The following ATG13 variants were observed in gnomAD, a reference collection of about 807,000 sequenced individuals.
ATG13 encodes autophagy-related protein 13.
In ATG13, 23 loss-of-function variants were observed where a neutral mutation model predicts 65.5. The ratio of observed to expected loss-of-function variants is 0.35; its 90% CI spans 0.25 to 0.50. ATG13 has a LOEUF of 0.50. ATG13 is among the 20% of genes least tolerant of loss of function. ATG13 has a pLI of 0.98. For missense variants in ATG13, 566 were observed against 677.0 expected, an observed-to-expected ratio of 0.84 and a Z score of 1.82; for synonymous variants, 252 against 245.2, an observed-to-expected ratio of 1.03 and a Z score of -0.26.
At position 46,667,794 on chromosome 11, in the gene ATG13, A is replaced by C. The variant is rs755123190; in HGVS notation, c.1158A>C (p.Ser386=). ...PSSSEDTETV[S]NSSEGRASPH... is the part of the protein sequence containing the mutation. Reference sequence around the variant, plus strand: ...CCAGTGAGGATACTGAAACCGTATCAAACAGCAGTGAGGGACGGGCCTCCC... The same window carrying C: ...CCAGTGAGGATACTGAAACCGTATCCAACAGCAGTGAGGGACGGGCCTCCC... The change falls in exon 15 of 19, where the codon TCA becomes TCC. Residue 386 remains serine (S), a synonymous_variant. Transcript: ENST00000683050. The C allele has an allele frequency of 3.7e-6, 6 of 1,610,196 alleles. No individual in the cohort carries two copies. Among genetic ancestry groups the C allele is most frequent in the Non-Finnish European group, 5.1e-6 (6 of 1,176,702 alleles).
At chr11:46,634,719 TGA>T (rs1252970887) in intron 2 of ATG13, among the ~76,000 whole-genome samples, 2 of 151,708 alleles carry the variant, frequency 1.3e-5, no homozygotes, top group African/African-American at 4.8e-5. Context: ...GTTTGTTTTT[TGA>T]GACGGAGTCT....
At chr11:46,642,845 T>G (rs2056493899) in intron 2 of ATG13, among the ~76,000 whole-genome samples, 1 of 152,178 alleles carries the variant, frequency 6.6e-6, no homozygotes, top group Admixed American at 6.6e-5. Context: ...GCACACTAGG[T>G]GCAGATCTGG....
At chr11:46,656,196 G>C (rs1447178577) in intron 7 of ATG13, 37 bp from the exon 8 acceptor site, 2 of 1,594,838 alleles carry the variant, frequency 1.3e-6, no homozygotes, top group Non-Finnish European at 1.7e-6. Flanking sequence ...TAGGAGTAAA[G>C]AATCAGGTAA....
chr11:46,648,148 T>C (rs976921959), intron 5 of ATG13, among the ~76,000 whole-genome samples: 5 of 148,398 alleles, frequency 3.4e-5, no homozygotes, highest in Non-Finnish European at 7.4e-5. Flanking sequence ...CAGGCTGGAG[T>C]GCAGTGGCAC....
rs1486399715 is a variant in ATG13, at chr11:46,674,460, C to T, written c.*2128C>T. ...CTCCAACCTACTTTGTTTGGAAATA[C>T]CGAGCTACACTTCAAAATGTATTCA... On this transcript the variant is annotated 3_prime_UTR_variant, in exon 19 of 19. Coordinates refer to ENST00000683050, the MANE Select transcript of ATG13 (RefSeq NM_001346311.2). 6.6e-6 allele frequency: 1 copy of T among 152,034 alleles called. No individual in the cohort carries two copies. Among genetic ancestry groups the T allele is most frequent in the East Asian group, 1.9e-4 (1 of 5,178 alleles). The allele number at this position is 152,034 out of a possible 1,614,324, so 9.4% of individuals were successfully genotyped here.
At chr11:46,622,171 G>A (rs181944020) in intron 1 of ATG13, among the ~76,000 whole-genome samples, 4 of 144,734 alleles carry the variant, frequency 2.8e-5, no homozygotes, top group African/African-American at 1.0e-4. Context: ...AGACTGGAGT[G>A]CGGTGAAGCA....
intron 18 of ATG13, 137 bp downstream of exon 18, chr11:46,669,669 C>A (rs1051359541): frequency 1.8e-6 from 2 of 1,137,272 alleles, no homozygotes; most frequent in African/African-American, 3.1e-5. Context: ...CTTTTGATCA[C>A]TCTTGAGATT....
intron 1 of ATG13, among the ~76,000 whole-genome samples, chr11:46,620,465 T>TA (rs2047113901): frequency 6.6e-6 from 1 of 151,854 alleles, no homozygotes; most frequent in South Asian, 2.1e-4. Flanking sequence ...GAATGTGAAT[T>TA]ACCACTGCTT....
chr11:46,672,966 G>C lies in ATG13; in HGVS notation c.*634G>C. The C allele has an allele frequency of 2.2e-6, 1 of 453,418 alleles. No homozygotes were observed. Among genetic ancestry groups the C allele is most frequent in the South Asian group, 2.2e-5 (1 of 45,762 alleles). 28.1% of individuals were successfully genotyped at this position (453,418 alleles called of 1,614,324 possible). On this transcript the variant is annotated 3_prime_UTR_variant, in exon 19 of 19. Coordinates refer to ENST00000683050, the MANE Select transcript of ATG13 (RefSeq NM_001346311.2). ...ACTCCCACCCCTGAAGGTCGGGAGGGTCTGAGCAGCCCTGGTGGCTGCCTG... is the reference window on the plus strand; with the variant it reads ...ACTCCCACCCCTGAAGGTCGGGAGGCTCTGAGCAGCCCTGGTGGCTGCCTG...
chr11:46,652,100 T>C (rs889924865), intron 7 of ATG13, among the ~76,000 whole-genome samples: 8 of 151,964 alleles, frequency 5.3e-5, no homozygotes, highest in African/African-American at 1.9e-4. Context: ...TACAAAAAAT[T>C]AGCTGGGCAG....
chr11:46,671,090 A>G (rs931206008), intron 18 of ATG13, among the ~76,000 whole-genome samples: 4 of 152,128 alleles, frequency 2.6e-5, no homozygotes, highest in South Asian at 2.1e-4. Flanking sequence ...TGTGGCTCCA[A>G]TTCTCTCAAC....
intron 2 of ATG13, among the ~76,000 whole-genome samples, 158 bp from the exon 3 acceptor site, chr11:46,644,121 T>C (rs955054518): frequency 6.6e-6 from 1 of 152,214 alleles, no homozygotes; most frequent in African/African-American, 2.4e-5. Context: ...AGTATCTCAG[T>C]ATTTTTCACT....
intron 2 of ATG13, among the ~76,000 whole-genome samples, chr11:46,630,427 A>G (rs919289076): frequency 1.3e-5 from 2 of 152,216 alleles, no homozygotes; most frequent in African/African-American, 2.4e-5. Context: ...TGTGTGTTTC[A>G]TGATGAGTGA....
intron 7 of ATG13, among the ~76,000 whole-genome samples, chr11:46,653,476 A>G (rs1018745639): frequency 4.0e-5 from 6 of 149,864 alleles, no homozygotes; most frequent in South Asian, 2.1e-4. Flanking sequence ...GTCCAGCTAC[A>G]TTTCTTTTCT....
chr11:46,654,530 G>A (rs2059628174), intron 7 of ATG13, among the ~76,000 whole-genome samples: 1 of 148,196 alleles, frequency 6.7e-6, no homozygotes, highest in Non-Finnish European at 1.5e-5. Context: ...ATACCAGCCT[G>A]GGCAACACAC....
chr11:46,672,575 G>A lies in ATG13; in HGVS notation c.*243G>A, dbSNP rs1048727887. 1.4e-5 allele frequency: 20 copies of A among 1,423,246 alleles called. No homozygotes were observed. Among genetic ancestry groups the A allele is most frequent in the African/African-American group, 2.9e-5 (2 of 70,132 alleles). The allele number at this position is 1,423,246 out of a possible 1,614,324, so 88.2% of individuals were successfully genotyped here. A position where few individuals can be genotyped will look rare whatever the true frequency, so the allele number is the denominator to read the frequency against. ...GGCCTTGGAGATGGGAAGAACCTTC[G>A]TACGAAAAAGCCCTCAGCAGGGCCA... is the stretch of plus-strand genomic sequence containing the variant. On this transcript the variant is annotated 3_prime_UTR_variant, in exon 19 of 19. Transcript: ENST00000683050.
chr11:46,641,969 G>C (rs2056176450), intron 2 of ATG13, among the ~76,000 whole-genome samples: 1 of 151,892 alleles, frequency 6.6e-6, no homozygotes, highest in African/African-American at 2.4e-5. Flanking sequence ...TTAGAGACGG[G>C]TTGTGCCATG....
chr11:46,665,471 C>G lies in ATG13; in HGVS notation c.1088C>G (p.Thr363Ser). Residue 363 changes from threonine (T) to serine (S), a missense_variant, in exon 14 of 19, where the codon ACC (threonine) becomes AGC (serine). Transcript: ENST00000683050. ...GTQADQERLA[T>S]CTPSDRTHCA... The stretch of plus-strand genomic sequence containing the variant: ...CAGGCTGACCAGGAGAGACTGGCAA[C>G]CTGCACCCCTTCTGACAGAACCCAC... 1 of 1,614,238 alleles carries G rather than the reference C, an allele frequency of 6.2e-7. No homozygotes were observed. The highest frequency in any genetic ancestry group is 8.5e-7 in the Non-Finnish European group (1 of 1,180,032).
chr11:46,649,036 T>G, intron 5 of ATG13, 101 bp from the exon 6 acceptor site: 2 of 963,768 alleles, frequency 2.1e-6, no homozygotes, highest in Non-Finnish European at 3.0e-6. Flanking sequence ...TCTATTCTTT[T>G]TTTTTTGCTT....
Sources: gnomAD v4.1 joint callset for allele counts (sites outside exome capture counted in the v4.1 genomes callset) on GRCh38, gnomAD v4.1.1 for gene constraint, MANE v1.5 for transcripts, NCBI Gene and HGNC (gene_info 2026-07-23, HGNC 2026-07-21) for gene names.